FAM20C: variants seen among roughly 807,000 people sequenced by gnomAD.
The protein encoded by FAM20C is extracellular serine/threonine protein kinase FAM20C.
FAM20C carries 40 observed loss-of-function variants against 51.5 expected under a neutral mutation model. The observed-to-expected ratio is 0.78, with a 90% CI of 0.60 to 1.01. The LOEUF (loss-of-function observed/expected upper bound fraction) is 1.01. Among genes scored for constraint, FAM20C ranks in the 50% least tolerant of loss-of-function variants. The probability of loss-of-function intolerance (pLI) is 0.00; values close to 1 mark genes in which losing one functional copy is unlikely to be tolerated. For synonymous variants in FAM20C, 406 were observed against 380.6 expected, an observed-to-expected ratio of 1.07 and a Z score of -0.78; for missense variants, 861 against 844.7, an observed-to-expected ratio of 1.02 and a Z score of -0.24.
rs552930465 is a variant in FAM20C at position 251,260 on chromosome 7, G to A, written c.1072+2830G>A. On this transcript the variant is annotated intron_variant, in intron 5 of 9. Transcript: ENST00000313766. ...ACGCCTGCACTGAGTGGCCGGGCAC[G>A]GTGGCTCACACGCCTGCAATCCCAG... Among the ~76,000 whole-genome samples the A allele has an allele frequency of 1.5e-4, 17 of 114,000 alleles. 2 individuals carry two copies. In the South Asian group the frequency reaches 2.0e-3, roughly 13 times the overall value. 74.8% of individuals were successfully genotyped at this position (114,000 alleles called of 152,430 possible).
intron 2 of FAM20C, 31 bp from the exon 3 acceptor site, chr7:208,867 G>A (rs1183402204): frequency 1.9e-6 from 3 of 1,553,786 alleles, no homozygotes; most frequent in African/African-American, 1.4e-5. Context: ...AGGCCAGAGA[G>A]TGACCCTGTT....
At position 260,112 on chromosome 7, in the gene FAM20C, C is replaced by T; in HGVS notation, c.*132C>T. 1 of 1,274,286 alleles carries T rather than the reference C, an allele frequency of 7.8e-7. No individual in the cohort carries two copies. The highest frequency in any genetic ancestry group is 1.0e-6 in the Non-Finnish European group (1 of 969,222). The allele number at this position is 1,274,286 out of a possible 1,614,324, so 78.9% of individuals were successfully genotyped here. ...CATCCGGAGTCGGGAGCTGCTGCCA[C>T]AGGAGGCGAGGCTCCCCAGGTCTCA... On this transcript the variant is annotated 3_prime_UTR_variant, in exon 10 of 10. Transcript: ENST00000313766.
intron 8 of FAM20C, among the ~76,000 whole-genome samples, chr7:258,187 TGGAGATAGGCA>T: frequency 1.8e-5 from 2 of 113,480 alleles, no homozygotes; most frequent in African/African-American, 3.6e-5. Flanking sequence ...CCTGAGGTGC[TGGAGATAGGCA>T]GGGTGGACCC....
At chr7:236,804 T>A (rs1460311177) in intron 3 of FAM20C, among the ~76,000 whole-genome samples, 11,090 of 103,626 alleles carry the variant, frequency 0.11, 515 homozygotes, top group African/African-American at 0.31. Flanking sequence ...GGGGTCCCGG[T>A]GGCTGTCGGG....
rs1283216489 is a variant in FAM20C at position 260,728 on chromosome 7, A to T, written c.*748A>T. 1 of 152,256 alleles carries T rather than the reference A, an allele frequency of 6.6e-6. No homozygotes were observed. The highest frequency in any genetic ancestry group is 1.5e-5 in the Non-Finnish European group (1 of 68,056). 9.4% of individuals were successfully genotyped at this position (152,256 alleles called of 1,614,324 possible). ...GTTTGCAATGTCATAAAAGTGCAAT[A>T]AAGGTACAGCAGATGTGTGTCGGCC... On this transcript the variant is annotated 3_prime_UTR_variant, in exon 10 of 10. Transcript: ENST00000313766.
chr7:220,542 G>A (rs1451372419), intron 3 of FAM20C, among the ~76,000 whole-genome samples: 1 of 152,218 alleles, frequency 6.6e-6, no homozygotes, highest in East Asian at 1.9e-4. Context: ...GACCTTCTGG[G>A]GTCTCTCCCA....
chr7:196,778 T>C (rs1785892664), intron 2 of FAM20C, among the ~76,000 whole-genome samples: 1 of 152,200 alleles, frequency 6.6e-6, no homozygotes, highest in African/African-American at 2.4e-5. Context: ...TGGCTCTCTC[T>C]GCCGGGTGCT....
intron 3 of FAM20C, among the ~76,000 whole-genome samples, chr7:210,039 G>A (rs1422139213): frequency 6.6e-6 from 1 of 152,164 alleles, no homozygotes; most frequent in African/African-American, 2.4e-5. Context: ...TCACAGCCCC[G>A]TGCCTGAGCC....
intron 1 of FAM20C, among the ~76,000 whole-genome samples, chr7:194,908 C>T (rs1200467847): frequency 1.3e-5 from 2 of 152,232 alleles, no homozygotes; most frequent in Non-Finnish European, 2.9e-5. Flanking sequence ...TGTCCCTCCT[C>T]CAGAACGGTC....
At chr7:258,162 AG>A (rs1788696667) in intron 8 of FAM20C, among the ~76,000 whole-genome samples, 6 of 29,332 alleles carry the variant, frequency 2.0e-4, no homozygotes, top group African/African-American at 7.8e-4. Context: ...GGAGATAGGC[AG>A]GGTGGACCCA....
intron 3 of FAM20C, among the ~76,000 whole-genome samples, chr7:224,196 G>A (rs1787371869): frequency 6.7e-6 from 1 of 148,286 alleles, no homozygotes; most frequent in Non-Finnish European, 1.5e-5. Flanking sequence ...ACCGTCACGG[G>A]GTCGCACGGC....
At chr7:232,989 C>G (rs1181677409) in intron 3 of FAM20C, among the ~76,000 whole-genome samples, 1 of 152,248 alleles carries the variant, frequency 6.6e-6, no homozygotes, top group African/African-American at 2.4e-5. Context: ...ACGTTCGGAA[C>G]AGCAGGAGCT....
Position 195,631 on chromosome 7 carries a change from A to G in FAM20C, c.683A>G (p.Lys228Arg), listed in dbSNP as rs1785827861. 1 of 1,610,728 alleles carries G rather than the reference A, an allele frequency of 6.2e-7. No homozygotes were observed. Among genetic ancestry groups the G allele is most frequent in the Non-Finnish European group, 8.5e-7 (1 of 1,178,652 alleles). The change falls in exon 2 of 10, where the codon AAG becomes AGG. Residue 228 changes from lysine to arginine, a missense_variant. Coordinates refer to ENST00000313766, the MANE Select transcript of FAM20C (RefSeq NM_020223.4). The stretch of plus-strand genomic sequence containing the variant: ...GTGGACTCCTATCCCAACTGGCTCA[A>G]GTTCCACATTGGTATCAACCGGTAC... ...AAVDSYPNWL[K>R]FHIGINRYEL...
intron 3 of FAM20C, among the ~76,000 whole-genome samples, chr7:241,797 A>G (rs1787955000): frequency 6.7e-6 from 1 of 149,982 alleles, no homozygotes; most frequent in Non-Finnish European, 1.5e-5. Flanking sequence ...GTGCATGTGC[A>G]CACGTGTGAA....
intron 3 of FAM20C, among the ~76,000 whole-genome samples, chr7:212,799 G>A (rs932403617): frequency 1.3e-5 from 2 of 152,182 alleles, no homozygotes; most frequent in Admixed American, 6.5e-5. Flanking sequence ...TTTAAAGTCA[G>A]CTTTATTGAG....
At chr7:204,049 T>C (rs949203384) in intron 2 of FAM20C, among the ~76,000 whole-genome samples, 2 of 152,228 alleles carry the variant, frequency 1.3e-5, no homozygotes, top group African/African-American at 4.8e-5. Context: ...AAAACTAAAG[T>C]CAACCACGGT....
Position 259,758 on chromosome 7 carries a change from G to C in FAM20C, c.1533G>C (p.Leu511=), listed in dbSNP as rs1408173507. ...CRIRKSTYLR[L]QLLAKEEYKL... is the part of the protein sequence containing the mutation. ...TCCGGAAGTCCACCTACCTGCGTCT[G>C]CAGCTCCTGGCCAAGGAGGAGTACA... Residue 511 remains leucine (L), a synonymous_variant, in exon 10 of 10, where the codon CTG becomes CTC. Coordinates refer to ENST00000313766, the MANE Select transcript of FAM20C (RefSeq NM_020223.4). 4 of 1,536,316 alleles carry C rather than the reference G, an allele frequency of 2.6e-6. No individual in the cohort carries two copies. The East Asian group carries it at 9.8e-5, about 38-fold the overall frequency.
intron 3 of FAM20C, among the ~76,000 whole-genome samples, chr7:244,118 A>G (rs778234668): frequency 6.6e-6 from 1 of 151,762 alleles, no homozygotes; most frequent in African/African-American, 2.4e-5. Context: ...TATTTTTCGT[A>G]GACCTGGGGT....
chr7:249,481 C>G (rs1048316807), intron 5 of FAM20C, among the ~76,000 whole-genome samples: 2 of 152,240 alleles, frequency 1.3e-5, no homozygotes, highest in Admixed American at 6.5e-5. Flanking sequence ...TGGCTCACGC[C>G]TGTAATCTCA....
Sources: allele counts gnomAD v4.1 joint callset (sites outside exome capture counted in the v4.1 genomes callset), GRCh38; gene constraint gnomAD v4.1.1; transcripts MANE v1.5; gene names NCBI Gene and HGNC (gene_info 2026-07-23, HGNC 2026-07-21).